The following FBXO48 variants were observed in gnomAD, a reference collection of about 807,000 sequenced individuals.
FBXO48 encodes F-box protein 48, also known as F-box only protein 48.
Under a neutral mutation model 14.3 loss-of-function variants are expected in FBXO48, and 12 were observed. The ratio of observed to expected loss-of-function variants is 0.84; its 90% CI spans 0.54 to 1.36. The LOEUF (loss-of-function observed/expected upper bound fraction) is 1.36, where lower values mean the gene tolerates loss of function less well. Ranked by LOEUF, FBXO48 falls within the 40% of genes most tolerant of loss-of-function variation. FBXO48 has a pLI of 0.00. For missense variants in FBXO48, 177 were observed against 179.1 expected, an observed-to-expected ratio of 0.99 and a Z score of 0.07; for synonymous variants, 53 against 61.7, an observed-to-expected ratio of 0.86 and a Z score of 0.66.
intron 3 of FBXO48, 147 bp downstream of exon 3, chr2:68,464,693 A>G: frequency 1.5e-6 from 1 of 653,828 alleles, no homozygotes; most frequent in Non-Finnish European, 2.7e-6. Flanking sequence ...AAAGACTAAT[A>G]ACTTTAACTC....
chr2:68,461,338 G>A lies in FBXO48; in HGVS notation c.*2871C>T, dbSNP rs1451186497. Reference sequence around the variant, plus strand: ...GGAGTCTCGCTCTGTCGCCCAGGCCGGACTGCGGACTGCAGTGGCGCAATC... The same window carrying A: ...GGAGTCTCGCTCTGTCGCCCAGGCCAGACTGCGGACTGCAGTGGCGCAATC... On this transcript the variant is annotated 3_prime_UTR_variant, in exon 4 of 4. Transcript: ENST00000377957. 1.5e-5 allele frequency: 2 copies of A among 135,374 alleles called. No individual in the cohort carries two copies. The highest frequency in any genetic ancestry group is 2.1e-4 in the East Asian group (1 of 4,732). The allele number at this position is 135,374 out of a possible 1,614,324, so 8.4% of individuals were successfully genotyped here.
chr2:68,465,007 A>T lies in FBXO48; in HGVS notation c.139T>A (p.Phe47Ile), dbSNP rs1441534615. The change falls in exon 3 of 4, where the codon TTC becomes ATC. Residue 47 changes from phenylalanine to isoleucine, a missense_variant. By Grantham distance (21) the Phe-to-Ile change is conservative. Coordinates refer to ENST00000377957, the MANE Select transcript of FBXO48 (RefSeq NM_001024680.3). ...AGACTCCGAATGTCCAGCTGACTGAAAATTTTAAAAGTGATTTCTGCAGGC... is the reference window on the plus strand; with the variant it reads ...AGACTCCGAATGTCCAGCTGACTGATAATTTTAAAAGTGATTTCTGCAGGC... ...LLPAEITFKI[F>I]SQLDIRSLCR... 2 of 1,614,016 alleles carry T rather than the reference A, an allele frequency of 1.2e-6. No homozygotes were observed.
intron 1 of FBXO48, 133 bp from the exon 2 acceptor site, chr2:68,466,603 ATC>A (rs1675422473): frequency 6.6e-6 from 1 of 152,218 alleles, no homozygotes; most frequent in African/African-American, 2.4e-5. Flanking sequence ...CTTGAAAAGA[ATC>A]TCACATTAGG....
Position 68,464,235 on chromosome 2 carries a change from T to C in FBXO48, c.442A>G (p.Ile148Val). 2 of 1,613,864 alleles carry C rather than the reference T, an allele frequency of 1.2e-6. No individual in the cohort carries two copies. The highest frequency in any genetic ancestry group is 1.7e-6 in the Non-Finnish European group (2 of 1,179,918). The change falls in exon 4 of 4, where the codon ATT (isoleucine) becomes GTT (valine). Residue 148 changes from isoleucine to valine, a missense_variant. Transcript: ENST00000377957. ...YPMDADTWGEILEAELER is the reference protein window; with the variant it reads ...YPMDADTWGEVLEAELER The stretch of plus-strand genomic sequence containing the variant: ...TATCTTTCCAGTTCTGCTTCTAGAA[T>C]TTCCCCCCATGTATCTGCATCCATT...
Position 68,463,711 on chromosome 2 carries a change from T to A in FBXO48, c.*498A>T, listed in dbSNP as rs1675323503. 6.5e-6 allele frequency: 1 copy of A among 153,426 alleles called. No homozygotes were observed. Among genetic ancestry groups the A allele is most frequent in the Admixed American group, 6.5e-5 (1 of 15,454 alleles). 9.5% of individuals were successfully genotyped at this position (153,426 alleles called of 1,614,324 possible). On this transcript the variant is annotated 3_prime_UTR_variant, in exon 4 of 4. Coordinates refer to ENST00000377957, the MANE Select transcript of FBXO48 (RefSeq NM_001024680.3). ...ATAGTTTCACTATTTGACATTTCAA[T>A]CTGATTCCACTGAAATAGAAATGTT...
chr2:68,466,681 GA>G (rs1272598544), intron 1 of FBXO48, among the ~76,000 whole-genome samples: 1 of 152,146 alleles, frequency 6.6e-6, no homozygotes, highest in Non-Finnish European at 1.5e-5. Context: ...CTTACTGGGA[GA>G]ATAAAATGCG....
intron 3 of FBXO48, 66 bp downstream of exon 3, chr2:68,464,774 G>A: frequency 8.3e-7 from 1 of 1,208,160 alleles, no homozygotes; most frequent in Non-Finnish European, 1.2e-6. Flanking sequence ...GCAGAAGTTA[G>A]AATTGGCGCA....
Position 68,463,695 on chromosome 2 carries a change from C to T in FBXO48, c.*514G>A, listed in dbSNP as rs541006324. 2.0e-5 allele frequency: 3 copies of T among 153,248 alleles called. No individual in the cohort carries two copies. Among genetic ancestry groups the T allele is most frequent in the East Asian group, 3.8e-4 (2 of 5,210 alleles). The allele number at this position is 153,248 out of a possible 1,614,324, so 9.5% of individuals were successfully genotyped here. A position where few individuals can be genotyped will look rare whatever the true frequency, so the allele number is the denominator to read the frequency against. The stretch of plus-strand genomic sequence containing the variant: ...GCTTAACACATTAAAAATAGTTTCA[C>T]TATTTGACATTTCAATCTGATTCCA... On this transcript the variant is annotated 3_prime_UTR_variant, in exon 4 of 4. Coordinates refer to ENST00000377957, the MANE Select transcript of FBXO48 (RefSeq NM_001024680.3).
chr2:68,464,851 A>T lies in FBXO48; in HGVS notation c.295T>A (p.Tyr99Asn). 6.2e-7 allele frequency: 1 copy of T among 1,610,196 alleles called. No homozygotes were observed. The highest frequency in any genetic ancestry group is 1.1e-5 in the South Asian group (1 of 91,030). The change falls in exon 3 of 4, where the codon TAT becomes AAT. Residue 99 changes from tyrosine to asparagine, a missense_variant. Physicochemically the swap from Tyr to Asn is moderately radical, Grantham distance 143 (BLOSUM62 -2). Transcript: ENST00000377957. ...AAGATTAAACTTACCCTCCAGGAAT[A>T]ACCACTTTCTAGATCATCATCTATT... Reference protein sequence around the residue: ...REIDDDLESGYSWRVILLRNY... With the variant: ...REIDDDLESGNSWRVILLRNY...
intron 2 of FBXO48, among the ~76,000 whole-genome samples, chr2:68,465,550 AC>A (rs1366481830): frequency 6.6e-6 from 1 of 151,328 alleles, no homozygotes; most frequent in Non-Finnish European, 1.5e-5. Flanking sequence ...AAAAAAAAAA[AC>A]AGAAAACCAA....
At position 68,464,047 on chromosome 2, in the gene FBXO48, G is replaced by A. The variant is rs1675331903; in HGVS notation, c.*162C>T. 3 of 630,190 alleles carry A rather than the reference G, an allele frequency of 4.8e-6. No homozygotes were observed. The South Asian group carries it at 8.3e-5, about 17-fold the overall frequency. The allele number at this position is 630,190 out of a possible 1,614,324, so 39.0% of individuals were successfully genotyped here. ...ATAAAACCAGAAAAATTTTACTAAA[G>A]TGCAAAACAAAAATAAAGCTTTACT... On this transcript the variant is annotated 3_prime_UTR_variant, in exon 4 of 4. Coordinates refer to ENST00000377957, the MANE Select transcript of FBXO48 (RefSeq NM_001024680.3).
chr2:68,464,439 A>T, intron 3 of FBXO48, 69 bp from the exon 4 acceptor site: 3 of 1,400,032 alleles, frequency 2.1e-6, no homozygotes, highest in Non-Finnish European at 3.0e-6. Flanking sequence ...GTTTAAAGCA[A>T]GAGAAGCAGA....
rs1675406927 is a variant in FBXO48 at position 68,466,189 on chromosome 2, T to C, written c.-79A>G. ...TTCCCAAATCAGTTGAAAGCATGAC[T>C]GGGTACATCACCATCCTTGAGTTAC... is the stretch of plus-strand genomic sequence containing the variant. On this transcript the variant is annotated 5_prime_UTR_variant, in exon 2 of 4. Transcript: ENST00000377957. 6.6e-6 allele frequency: 1 copy of C among 152,216 alleles called. No individual in the cohort carries two copies. Among genetic ancestry groups the C allele is most frequent in the Admixed American group, 6.5e-5 (1 of 15,282 alleles). 9.4% of individuals were successfully genotyped at this position (152,216 alleles called of 1,614,324 possible).
In FBXO48 at chr2:68,462,024, G is replaced by A. The variant is rs1675276546; in HGVS notation, c.*2185C>T. On this transcript the variant is annotated 3_prime_UTR_variant, in exon 4 of 4. Coordinates refer to ENST00000377957, the MANE Select transcript of FBXO48 (RefSeq NM_001024680.3). ...CACTCCAGCCTGGGTGACAGAGTGA[G>A]ACTTCATCTCAAAAAACAAAACAAA... 2 of 152,148 alleles carry A rather than the reference G, an allele frequency of 1.3e-5. No homozygotes were observed. The highest frequency in any genetic ancestry group is 4.8e-5 in the African/African-American group (2 of 41,460). The allele number at this position is 152,148 out of a possible 1,614,324, so 9.4% of individuals were successfully genotyped here.
chr2:68,466,591 T>C (rs1280778186), intron 1 of FBXO48, 121 bp from the exon 2 acceptor site: 1 of 152,220 alleles, frequency 6.6e-6, no homozygotes, highest in Non-Finnish European at 1.5e-5. Flanking sequence ...AACCACAACG[T>C]TCTTGAAAAG....
At position 68,465,038 on chromosome 2, in the gene FBXO48, T is replaced by C. The variant is rs1558521118; in HGVS notation, c.108A>G (p.Glu36=). The C allele has an allele frequency of 6.2e-7, 1 of 1,613,914 alleles. No homozygotes were observed. The highest frequency in any genetic ancestry group is 1.7e-5 in the Admixed American group (1 of 60,004). ...EKNESQNNFF[E]LLPAEITFKI... ...TAAAAGTGATTTCTGCAGGCAGCAG[T>C]TCAAAAAAGTTGTTTTGACTCTCAT... Residue 36 remains glutamate (E), a synonymous_variant, in exon 3 of 4, where the codon GAA becomes GAG. Coordinates refer to ENST00000377957, the MANE Select transcript of FBXO48 (RefSeq NM_001024680.3).
chr2:68,464,137 T>C lies in FBXO48; in HGVS notation c.*72A>G. 1.6e-6 allele frequency: 2 copies of C among 1,273,384 alleles called. No individual in the cohort carries two copies. The highest frequency in any genetic ancestry group is 2.2e-6 in the Non-Finnish European group (2 of 903,140). 78.9% of individuals were successfully genotyped at this position (1,273,384 alleles called of 1,614,324 possible). On this transcript the variant is annotated 3_prime_UTR_variant, in exon 4 of 4. Transcript: ENST00000377957. ...ACAACAAAATGAACGAATAAAGATA[T>C]CGCTTTTGCAACCTAAGAGTCATTT... is the stretch of plus-strand genomic sequence containing the variant.
chr2:68,461,004 T>G lies in FBXO48; in HGVS notation c.*3205A>C, dbSNP rs1405496156. 1 of 152,060 alleles carries G rather than the reference T, an allele frequency of 6.6e-6. No individual in the cohort carries two copies. The highest frequency in any genetic ancestry group is 1.5e-5 in the Non-Finnish European group (1 of 68,022). The allele number at this position is 152,060 out of a possible 1,614,324, so 9.4% of individuals were successfully genotyped here. A position where few individuals can be genotyped will look rare whatever the true frequency, so the allele number is the denominator to read the frequency against. On this transcript the variant is annotated 3_prime_UTR_variant, in exon 4 of 4. Transcript: ENST00000377957. ...TACCAACAGTTTCAACCATATGGAGTGATGGCCATATTATAGCAGATTAAG... is the reference window on the plus strand; with the variant it reads ...TACCAACAGTTTCAACCATATGGAGGGATGGCCATATTATAGCAGATTAAG...
chr2:68,465,073 T>C lies in FBXO48; in HGVS notation c.73A>G (p.Lys25Glu). ...HTEANSVDAE[K>E]EKNESQNNFF... Reference sequence around the variant, plus strand: ...TTGTTTTGACTCTCATTTTTTTCCTTCTCAGCATCCACAGAGTTCGCTTCT... The same window carrying C: ...TTGTTTTGACTCTCATTTTTTTCCTCCTCAGCATCCACAGAGTTCGCTTCT... The change falls in exon 3 of 4, where the codon AAG becomes GAG. Residue 25 changes from lysine (K) to glutamate (E), a missense_variant. By Grantham distance (56) the Lys-to-Glu change is moderately conservative. Transcript: ENST00000377957. 6.2e-7 allele frequency: 1 copy of C among 1,613,924 alleles called. No individual in the cohort carries two copies. The highest frequency in any genetic ancestry group is 8.5e-7 in the Non-Finnish European group (1 of 1,179,974).
Sources: gnomAD v4.1 joint callset for allele counts (sites outside exome capture counted in the v4.1 genomes callset) on GRCh38, gnomAD v4.1.1 for gene constraint, MANE v1.5 for transcripts, NCBI Gene and HGNC (gene_info 2026-07-23, HGNC 2026-07-21) for gene names.